LYZL4: variants seen among roughly 807,000 people sequenced by gnomAD.
LYZL4 encodes the protein lysozyme-like protein 4.
A neutral mutation model predicts 17.6 loss-of-function variants in LYZL4; 13 were observed. The observed-to-expected ratio is 0.74, with a 90% confidence interval of 0.48 to 1.18. The LOEUF is 1.18. LYZL4 is among the 50% of genes most tolerant of loss of function. The pLI is 0.00. For synonymous variants in LYZL4, 64 were observed against 67.7 expected (o/e 0.95, Z 0.27); for missense variants, 174 against 188.2 (o/e 0.92, Z 0.44).
chr3:42,390,898 T>G, the LYZL4 span, among the ~76,000 whole-genome samples: 1 of 152,208 alleles, frequency 6.6e-6, no homozygotes, highest in Admixed American at 6.5e-5. Flanking sequence ...ATTGGACTGA[T>G]AGTTTGCACC....
the LYZL4 span, among the ~76,000 whole-genome samples, chr3:42,368,716 T>C: frequency 6.6e-6 from 1 of 152,194 alleles, no homozygotes; most frequent in South Asian, 2.1e-4. Flanking sequence ...CCAGATTGCT[T>C]TCTAGAAAGG....
At chr3:42,366,565 C>T in the LYZL4 span, among the ~76,000 whole-genome samples, 1 of 152,320 alleles carries the variant, frequency 6.6e-6, no homozygotes, top group East Asian at 1.9e-4. Context: ...TGTCACCCTC[C>T]AGGCAGGAAT....
chr3:42,382,032 C>T, the LYZL4 span, among the ~76,000 whole-genome samples: 1 of 152,232 alleles, frequency 6.6e-6, no homozygotes, highest in African/African-American at 2.4e-5. Flanking sequence ...CATGGCAAAA[C>T]AGAGCAGGCC....
chr3:42,373,594 G>A, the LYZL4 span, among the ~76,000 whole-genome samples: 3 of 152,050 alleles, frequency 2.0e-5, no homozygotes, highest in African/African-American at 4.8e-5. Flanking sequence ...CCTTAAGAAC[G>A]ACCACTTTTC....
chr3:42,380,069 C>T, the LYZL4 span, among the ~76,000 whole-genome samples: 2 of 152,294 alleles, frequency 1.3e-5, no homozygotes, highest in East Asian at 3.9e-4. Flanking sequence ...GGGCCCTCAT[C>T]GGACACCACC....
At chr3:42,372,391 A>G in the LYZL4 span, among the ~76,000 whole-genome samples, 2 of 152,246 alleles carry the variant, frequency 1.3e-5, no homozygotes, top group Admixed American at 6.5e-5. Flanking sequence ...GTGTTACTGC[A>G]TAAAATAAGA....
intron 3 of LYZL4, among the ~76,000 whole-genome samples, chr3:42,404,790 TTGGC>T (rs1280948540): frequency 6.6e-6 from 1 of 152,230 alleles, no homozygotes; most frequent in Non-Finnish European, 1.5e-5. Context: ...TCTTTTTGCC[TTGGC>T]TACCAGGAAG....
At chr3:42,367,742 T>C in the LYZL4 span, among the ~76,000 whole-genome samples, 2 of 152,228 alleles carry the variant, frequency 1.3e-5, no homozygotes, top group African/African-American at 4.8e-5. Context: ...TGACCTATTC[T>C]GTCCTTGGCT....
the LYZL4 span, among the ~76,000 whole-genome samples, chr3:42,362,249 G>A: frequency 2.6e-5 from 4 of 152,188 alleles, no homozygotes; most frequent in Admixed American, 1.3e-4. Context: ...TTATTTGTGT[G>A]TAGGAACATT....
intron 1 of LYZL4, among the ~76,000 whole-genome samples, chr3:42,409,060 C>T (rs374590966): frequency 1.3e-5 from 2 of 152,206 alleles, no homozygotes; most frequent in African/African-American, 4.8e-5. Flanking sequence ...ACACCAAATA[C>T]AGTATCTAGG....
chr3:42,368,466 C>T, the LYZL4 span, among the ~76,000 whole-genome samples: 1 of 152,176 alleles, frequency 6.6e-6, no homozygotes, highest in Non-Finnish European at 1.5e-5. Context: ...TTCTTTTTCA[C>T]TTACAAAATG....
chr3:42,405,465 T>C (rs1698732265), intron 3 of LYZL4, among the ~76,000 whole-genome samples: 2 of 152,076 alleles, frequency 1.3e-5, no homozygotes, highest in South Asian at 2.1e-4. Flanking sequence ...ACTTTCTTAC[T>C]CCTCTCTGGA....
chr3:42,367,487 G>A, the LYZL4 span, among the ~76,000 whole-genome samples: 63 of 152,302 alleles, frequency 4.1e-4, no homozygotes, highest in African/African-American at 1.5e-3. Flanking sequence ...CAGCTTCCAA[G>A]GCCTATCAAG....
the LYZL4 span, among the ~76,000 whole-genome samples, chr3:42,388,025 C>T: frequency 5.5e-3 from 840 of 152,270 alleles, 10 homozygotes; most frequent in African/African-American, 0.019. Flanking sequence ...CTCCAGGGGT[C>T]GTGAGCAGGA....
At chr3:42,363,395 G>A in the LYZL4 span, among the ~76,000 whole-genome samples, 1 of 152,128 alleles carries the variant, frequency 6.6e-6, no homozygotes, top group Non-Finnish European at 1.5e-5. Flanking sequence ...GATGCATGCT[G>A]AAATAATTAG....
chr3:42,377,163 G>T, the LYZL4 span, among the ~76,000 whole-genome samples: 2 of 152,172 alleles, frequency 1.3e-5, no homozygotes, highest in Admixed American at 6.5e-5. Flanking sequence ...TGACAAGTGA[G>T]TCTCCCGAGC....
the LYZL4 span, among the ~76,000 whole-genome samples, chr3:42,391,534 G>A: frequency 6.6e-6 from 1 of 152,172 alleles, no homozygotes; most frequent in African/African-American, 2.4e-5. Context: ...GGGCTAAGAT[G>A]TGGACTAAGA....
At chr3:42,404,951 AT>A (rs1353739702) in intron 3 of LYZL4, among the ~76,000 whole-genome samples, 8 of 152,152 alleles carry the variant, frequency 5.3e-5, no homozygotes. Context: ...CCTGCCTGGC[AT>A]TTTATATACA....
the LYZL4 span, among the ~76,000 whole-genome samples, chr3:42,386,044 C>T: frequency 2.6e-5 from 4 of 152,110 alleles, no homozygotes; most frequent in Non-Finnish European, 5.9e-5. Flanking sequence ...GAGGCTGCAC[C>T]GTTCTGATTC....
Sources: gnomAD v4.1 joint callset for allele counts (sites outside exome capture counted in the v4.1 genomes callset) on GRCh38, gnomAD v4.1.1 for gene constraint, MANE v1.5 for transcripts, NCBI Gene and HGNC (gene_info 2026-07-23, HGNC 2026-07-21) for gene names.